The following RAB3IP variants were observed in gnomAD, a reference collection of about 807,000 sequenced individuals.
The protein encoded by RAB3IP is RAB3A interacting protein, also known as rab-3A-interacting protein.
In RAB3IP, 36 loss-of-function variants were observed where a neutral mutation model predicts 59.1. The observed-to-expected ratio is 0.61, with a 90% CI of 0.47 to 0.80. RAB3IP has a LOEUF of 0.80. RAB3IP is among the 30% of genes least tolerant of loss of function. The pLI is 0.00. For missense variants in RAB3IP, 511 were observed against 536.0 expected, an observed-to-expected ratio of 0.95 and a Z score of 0.46; for synonymous variants, 207 against 191.2, an observed-to-expected ratio of 1.08 and a Z score of -0.68.
chr12:69,739,154 C>G (rs534285614), intron 1 of RAB3IP, 123 bp downstream of exon 1: 1 of 152,308 alleles, frequency 6.6e-6, no homozygotes, highest in South Asian at 2.1e-4. Flanking sequence ...GTGCTGGCGC[C>G]GTGCAGGGCG....
chr12:69,739,553 T>C, intron 1 of RAB3IP: 1 of 487,150 alleles, frequency 2.1e-6, no homozygotes, highest in South Asian at 2.3e-5. Context: ...GTCCCAGTCT[T>C]AGGAAACTAC....
chr12:69,788,949 C>T (rs936154557), intron 4 of RAB3IP, among the ~76,000 whole-genome samples: 4 of 151,962 alleles, frequency 2.6e-5, no homozygotes, highest in Admixed American at 6.5e-5. Context: ...TTTGAACAAC[C>T]TTTGAGTCAA....
intron 3 of RAB3IP, among the ~76,000 whole-genome samples, chr12:69,760,485 T>C (rs1871144464): frequency 6.6e-6 from 1 of 152,228 alleles, no homozygotes; most frequent in East Asian, 1.9e-4. Context: ...GGGGACTTGC[T>C]CTGTGTGTTC....
At chr12:69,739,832 G>T in intron 1 of RAB3IP, 1 of 1,614,162 alleles carries the variant, frequency 6.2e-7, no homozygotes, top group African/African-American at 1.3e-5. Context: ...AGCATGTGAA[G>T]AGTTGCCGGT....
At chr12:69,768,681 G>A (rs1340087234) in intron 3 of RAB3IP, among the ~76,000 whole-genome samples, 1 of 152,170 alleles carries the variant, frequency 6.6e-6, no homozygotes, top group Non-Finnish European at 1.5e-5. Context: ...AAGCCTTGCT[G>A]CCCAGGAGAA....
rs1198980518 is a variant in RAB3IP, at chr12:69,821,488, C to T, written c.*6042C>T. On this transcript the variant is annotated 3_prime_UTR_variant, in exon 11 of 11. Coordinates refer to ENST00000247833, the MANE Select transcript of RAB3IP (RefSeq NM_022456.5). ...TTCTGATTAATAGAGATTTTCTAGT[C>T]CTCCCAGCAACTTCCTTCTCAATTC... 1 of 152,140 alleles carries T rather than the reference C, an allele frequency of 6.6e-6. No homozygotes were observed. Among genetic ancestry groups the T allele is most frequent in the Non-Finnish European group, 1.5e-5 (1 of 68,020 alleles). The allele number at this position is 152,140 out of a possible 1,614,324, so 9.4% of individuals were successfully genotyped here. A position where few individuals can be genotyped will look rare whatever the true frequency, so the allele number is the denominator to read the frequency against.
At chr12:69,748,350 T>C (rs1016027035) in intron 1 of RAB3IP, among the ~76,000 whole-genome samples, 1 of 152,222 alleles carries the variant, frequency 6.6e-6, no homozygotes, top group Admixed American at 6.5e-5. Flanking sequence ...TTCACTTTAA[T>C]TAGAAAAAGT....
chr12:69,752,550 T>G (rs886718595), intron 1 of RAB3IP, among the ~76,000 whole-genome samples: 5 of 152,150 alleles, frequency 3.3e-5, no homozygotes, highest in Non-Finnish European at 7.4e-5. Context: ...CCAGTTTATC[T>G]TTAGGATAAA....
intron 10 of RAB3IP, among the ~76,000 whole-genome samples, chr12:69,814,738 A>G (rs1273726644): frequency 6.6e-6 from 1 of 152,178 alleles, no homozygotes; most frequent in Non-Finnish European, 1.5e-5. Flanking sequence ...TAATCTGATC[A>G]TATATCAAAC....
At chr12:69,809,514 C>T (rs927196382) in intron 8 of RAB3IP, among the ~76,000 whole-genome samples, 1 of 152,194 alleles carries the variant, frequency 6.6e-6, no homozygotes, top group African/African-American at 2.4e-5. Flanking sequence ...TGGTTCCATT[C>T]TCCCCGTCAC....
In RAB3IP at chr12:69,782,731, C is replaced by G. The variant is rs182954728; in HGVS notation, c.511-1989C>G. 3.7e-3 allele frequency among the ~76,000 whole-genome samples: 567 copies of G among 152,266 alleles called. 3 individuals are homozygous for G. Among genetic ancestry groups the G allele is most frequent in the African/African-American group, 0.013 (538 of 41,550 alleles). On this transcript the variant is annotated intron_variant, in intron 3 of 10. Transcript: ENST00000247833. ...CTTCTCATTCTCTTGATATTCCCAT[C>G]TTTTAGTTTTAGTTCTAAAGTTAGA...
intron 3 of RAB3IP, among the ~76,000 whole-genome samples, chr12:69,760,416 T>A (rs544804267): frequency 1.3e-5 from 2 of 152,056 alleles, no homozygotes; most frequent in East Asian, 3.9e-4. Flanking sequence ...AGGGAGACTG[T>A]GGGGAGAGGG....
At chr12:69,762,529 G>A (rs914864004) in intron 3 of RAB3IP, among the ~76,000 whole-genome samples, 4 of 151,886 alleles carry the variant, frequency 2.6e-5, no homozygotes, top group Admixed American at 6.6e-5. Context: ...AGGCCGAGGC[G>A]GGCAGATCAC....
At chr12:69,805,622 T>C (rs1375364277) in intron 8 of RAB3IP, among the ~76,000 whole-genome samples, 4 of 151,450 alleles carry the variant, frequency 2.6e-5, no homozygotes, top group African/African-American at 4.8e-5. Context: ...AGTATGATAT[T>C]GGCTGTGGGT....
At position 69,810,920 on chromosome 12, in the gene RAB3IP, G is replaced by C. The variant is rs78312249; in HGVS notation, c.1131-1858G>C. On this transcript the variant is annotated intron_variant, in intron 8 of 10. Transcript: ENST00000247833. ...GTAGCATGTTTGGGAAAAAAATGGA[G>C]TTGGAGGTCAGAGGTCTGTTTGCAT... Among the ~76,000 whole-genome samples the C allele has an allele frequency of 5.5e-3, 832 of 152,244 alleles. 8 individuals are homozygous for C. Among genetic ancestry groups the C allele is most frequent in the African/African-American group, 0.018 (747 of 41,530 alleles).
intron 8 of RAB3IP, among the ~76,000 whole-genome samples, chr12:69,807,096 C>G (rs565516984): frequency 6.6e-6 from 1 of 152,154 alleles, no homozygotes; most frequent in Admixed American, 6.5e-5. Flanking sequence ...GCTGTCTCTT[C>G]GGAGCTGTTG....
chr12:69,781,184 G>A (rs1874641668), intron 3 of RAB3IP, among the ~76,000 whole-genome samples: 1 of 151,840 alleles, frequency 6.6e-6, no homozygotes, highest in African/African-American at 2.4e-5. Flanking sequence ...ATACCATTTT[G>A]TCAGTTTTAT....
chr12:69,786,611 A>G (rs1320894119), intron 4 of RAB3IP, among the ~76,000 whole-genome samples: 2 of 152,154 alleles, frequency 1.3e-5, no homozygotes, highest in Non-Finnish European at 2.9e-5. Context: ...TAAGAAAGCA[A>G]ATATATTAAG....
At position 69,797,477 on chromosome 12, in the gene RAB3IP, C is replaced by CTT; in HGVS notation, c.888+2155_888+2156dup. The stretch of plus-strand genomic sequence containing the variant: ...GGTTTATGTCCTTTTTCTTTTCTTT[C>CTT]TTTTTTTTTTTTTTTTTTTTTTTAA... On this transcript the variant is annotated intron_variant, in intron 6 of 10. Transcript: ENST00000247833. Among the ~76,000 whole-genome samples the CTT allele has an allele frequency of 7.4e-3, 409 of 54,920 alleles. 9 individuals are homozygous for CTT. Among genetic ancestry groups the CTT allele is most frequent in the African/African-American group, 0.034 (386 of 11,192 alleles). 36.0% of individuals were successfully genotyped at this position (54,920 alleles called of 152,430 possible). A position where few individuals can be genotyped will look rare whatever the true frequency, so the allele number is the denominator to read the frequency against.
Sources: allele counts gnomAD v4.1 joint callset (sites outside exome capture counted in the v4.1 genomes callset), GRCh38; gene constraint gnomAD v4.1.1; transcripts MANE v1.5; gene names NCBI Gene and HGNC (gene_info 2026-07-23, HGNC 2026-07-21).